MAD1L1: variants seen among roughly 807,000 people sequenced by gnomAD.
MAD1L1 encodes the protein mitotic arrest deficient 1 like 1, also known as mitotic spindle assembly checkpoint protein MAD1.
Under a neutral mutation model 96.9 loss-of-function variants are expected in MAD1L1, and 95 were observed. The ratio of observed to expected loss-of-function variants is 0.98; its 90% CI spans 0.83 to 1.16. MAD1L1 has a LOEUF of 1.16. Ranked by LOEUF, MAD1L1 falls within the 50% of genes most tolerant of loss-of-function variation. The pLI is 0.00. For missense variants in MAD1L1, 1,007 were observed against 954.4 expected, an observed-to-expected ratio of 1.06 and a Z score of -0.73; for synonymous variants, 473 against 396.6, an observed-to-expected ratio of 1.19 and a Z score of -2.29.
intron 14 of MAD1L1, among the ~76,000 whole-genome samples, chr7:2,001,435 C>A (rs1323606284): frequency 3.9e-5 from 6 of 152,274 alleles, no homozygotes; most frequent in African/African-American, 1.4e-4. Context: ...GCTTTTGACA[C>A]TGGAGGTCCA....
intron 10 of MAD1L1, among the ~76,000 whole-genome samples, chr7:2,190,269 T>C (rs1044273535): frequency 2.6e-5 from 4 of 152,164 alleles, no homozygotes; most frequent in Non-Finnish European, 5.9e-5. Context: ...TGACAGGCTT[T>C]CATCAGAGGT....
intron 10 of MAD1L1, among the ~76,000 whole-genome samples, chr7:2,179,159 C>T: frequency 6.6e-6 from 1 of 152,140 alleles, no homozygotes; most frequent in Middle Eastern, 3.2e-3. Context: ...TCAGGTGGCT[C>T]TCAAGAAGAG....
At chr7:2,046,076 G>A (rs915315679) in intron 12 of MAD1L1, among the ~76,000 whole-genome samples, 7 of 152,108 alleles carry the variant, frequency 4.6e-5, no homozygotes, top group African/African-American at 1.7e-4. Flanking sequence ...CTGCCTCTAG[G>A]GAGTCAAGGA....
chr7:2,213,871 A>G (rs548433113), intron 9 of MAD1L1, among the ~76,000 whole-genome samples: 1 of 152,352 alleles, frequency 6.6e-6, no homozygotes, highest in Admixed American at 6.5e-5. Context: ...GGTGAGTCTC[A>G]CGGCCCTTCT....
intron 17 of MAD1L1, among the ~76,000 whole-genome samples, chr7:1,924,563 G>T (rs962908310): frequency 8.5e-5 from 13 of 152,202 alleles, no homozygotes; most frequent in Non-Finnish European, 1.3e-4. Flanking sequence ...ACGAGGTGGG[G>T]TGAGGACACT....
intron 17 of MAD1L1, among the ~76,000 whole-genome samples, chr7:1,912,879 C>T (rs114312052): frequency 0.015 from 2,349 of 152,202 alleles, 54 homozygotes; most frequent in African/African-American, 0.055. Flanking sequence ...CCTGGGGTGG[C>T]GGCGGCGAGG....
intron 11 of MAD1L1, among the ~76,000 whole-genome samples, chr7:2,118,422 AG>A (rs1787819540): frequency 6.6e-6 from 1 of 152,262 alleles, no homozygotes; most frequent in African/African-American, 2.4e-5. Context: ...GCAGGAGGTC[AG>A]CCCTGAGTGG....
intron 18 of MAD1L1, among the ~76,000 whole-genome samples, chr7:1,823,762 G>T (rs1399182416): frequency 2.6e-5 from 4 of 152,194 alleles, no homozygotes; most frequent in African/African-American, 9.6e-5. Flanking sequence ...GGCCTTCCTG[G>T]GAGAAGCACC....
chr7:2,069,603 C>T (rs557685055), intron 11 of MAD1L1, among the ~76,000 whole-genome samples: 13 of 152,348 alleles, frequency 8.5e-5, no homozygotes, highest in African/African-American at 3.1e-4. Flanking sequence ...GAAAAATTGT[C>T]GGCGACGCAG....
intron 18 of MAD1L1, among the ~76,000 whole-genome samples, chr7:1,840,170 G>T (rs1307146814): frequency 6.6e-6 from 1 of 152,170 alleles, no homozygotes; most frequent in Non-Finnish European, 1.5e-5. Context: ...TTGGCCTGGA[G>T]CCCGAGGCCT....
chr7:1,912,812 C>G (rs754880867), intron 17 of MAD1L1, among the ~76,000 whole-genome samples: 20 of 152,226 alleles, frequency 1.3e-4, no homozygotes, highest in South Asian at 4.1e-4. Context: ...GCCACCTCAT[C>G]TGTTTCCGGA....
intron 11 of MAD1L1, among the ~76,000 whole-genome samples, chr7:2,148,136 T>A (rs181080785): frequency 6.6e-6 from 1 of 152,364 alleles, no homozygotes; most frequent in East Asian, 1.9e-4. Context: ...CACAACCAGA[T>A]GCTTCTAAAA....
At chr7:1,997,427 T>C (rs1235591396) in intron 14 of MAD1L1, among the ~76,000 whole-genome samples, 2 of 152,188 alleles carry the variant, frequency 1.3e-5, no homozygotes, top group Admixed American at 6.5e-5. Flanking sequence ...AGGGAGCCCC[T>C]TCCCCAGACA....
At chr7:2,129,563 C>G (rs1331432341) in intron 11 of MAD1L1, among the ~76,000 whole-genome samples, 1 of 152,192 alleles carries the variant, frequency 6.6e-6, no homozygotes, top group African/African-American at 2.4e-5. Flanking sequence ...ACAGGAACCC[C>G]AGGTGCCTCC....
At chr7:1,831,546 G>A (rs6962703) in intron 18 of MAD1L1, among the ~76,000 whole-genome samples, 4 of 152,124 alleles carry the variant, frequency 2.6e-5, no homozygotes, top group Admixed American at 6.5e-5. Context: ...AAAAGCTAGA[G>A]ATAATTAGGT....
At chr7:1,907,970 C>T (rs1022247324) in intron 17 of MAD1L1, among the ~76,000 whole-genome samples, 1 of 152,222 alleles carries the variant, frequency 6.6e-6, no homozygotes, top group Non-Finnish European at 1.5e-5. Flanking sequence ...CAGGAGACAG[C>T]GGCCCGTGAC....
rs530066159 is a variant in MAD1L1, at chr7:2,098,310, G to A, written c.1074-28972C>T. ...AGAAGGCGCATGGCAAACACCCTCC[G>A]TCCACAGATGAGGCCTGCGCAGCAC... On this transcript the variant is annotated intron_variant, in intron 11 of 18. Coordinates refer to ENST00000265854, the MANE Select transcript of MAD1L1 (RefSeq NM_001013836.2). Among the ~76,000 whole-genome samples the A allele has an allele frequency of 1.1e-3, 164 of 152,274 alleles. 2 individuals carry two copies. The highest frequency in any genetic ancestry group is 3.8e-3 in the African/African-American group (156 of 41,546).
At position 1,835,223 on chromosome 7, in the gene MAD1L1, G is replaced by A. The variant is rs372205756; in HGVS notation, c.1999-18995C>T. ...ACAGAGAATACCACACTTAATGGCT[G>A]AAGATTGGATGCTTCTCCCTCAGAT... On this transcript the variant is annotated intron_variant, in intron 18 of 18. Coordinates refer to ENST00000265854, the MANE Select transcript of MAD1L1 (RefSeq NM_001013836.2). Among the ~76,000 whole-genome samples the A allele has an allele frequency of 2.0e-5, 3 of 152,156 alleles. 1 individual carries two copies. Among genetic ancestry groups the A allele is most frequent in the Non-Finnish European group, 1.5e-5 (1 of 68,048 alleles).
At chr7:1,822,374 T>C (rs1181629977) in intron 18 of MAD1L1, among the ~76,000 whole-genome samples, 2 of 151,318 alleles carry the variant, frequency 1.3e-5, no homozygotes, top group Admixed American at 6.6e-5. Context: ...TTATAGTAAA[T>C]CAATTTTTCC....
Sources: allele counts gnomAD v4.1 joint callset (sites outside exome capture counted in the v4.1 genomes callset), GRCh38; gene constraint gnomAD v4.1.1; transcripts MANE v1.5; gene names NCBI Gene and HGNC (gene_info 2026-07-23, HGNC 2026-07-21).